The following IGSF22 variants were observed in gnomAD, a reference collection of about 807,000 sequenced individuals.
IGSF22 encodes immunoglobulin superfamily, member 22.
IGSF22 carries 119 observed loss-of-function variants against 127.0 expected under a neutral mutation model. The observed-to-expected ratio is 0.94, with a 90% CI of 0.81 to 1.09. The LOEUF (loss-of-function observed/expected upper bound fraction) is 1.09, where lower values mean the gene tolerates loss of function less well. Ranked by LOEUF, IGSF22 falls within the 50% of genes least tolerant of loss-of-function variation. IGSF22 has a pLI of 0.00. For synonymous variants in IGSF22, 568 were observed against 664.7 expected (o/e 0.85, Z 2.24); for missense variants, 1,518 against 1,716.6 (o/e 0.88, Z 2.04).
Position 18,714,486 on chromosome 11 carries a change from C to G in IGSF22, c.1656+14G>C, listed in dbSNP as rs1427105163. On this transcript the variant is annotated intron_variant, in intron 12 of 22. Coordinates refer to ENST00000513874, the MANE Select transcript of IGSF22 (RefSeq NM_173588.4). ...CTACCTCCTTCACCCCCTTCCCTGGCCTCTGCTTCAGACCTCCTTGCCATC... is the reference window on the plus strand; with the variant it reads ...CTACCTCCTTCACCCCCTTCCCTGGGCTCTGCTTCAGACCTCCTTGCCATC... The G allele has an allele frequency of 6.2e-6, 10 of 1,614,086 alleles. No homozygotes were observed. Among genetic ancestry groups the G allele is most frequent in the Non-Finnish European group, 8.5e-6 (10 of 1,180,044 alleles).
intron 21 of IGSF22, chr11:18,706,622 C>A (rs1299642056): frequency 1.0e-5 from 4 of 399,420 alleles, no homozygotes; most frequent in Non-Finnish European, 1.8e-5. Context: ...GTTCTCAGCC[C>A]CGTTAGACCC....
chr11:18,714,538 C>T lies in IGSF22; in HGVS notation c.1618G>A (p.Glu540Lys), dbSNP rs370808104. The T allele has an allele frequency of 2.8e-5, 46 of 1,614,064 alleles. No individual in the cohort carries two copies. In the African/African-American group the frequency reaches 3.2e-4, roughly 11 times the overall value. ...TTCAGCCACACACCCTCCACCTTCT[C>T]GTCATTCAGCACTACACACAACTCA... is the stretch of plus-strand genomic sequence containing the variant. ...PAELCVVLNDEKVEGVWLKDG... is the reference protein window; with the variant it reads ...PAELCVVLNDKKVEGVWLKDG... The change falls in exon 12 of 23, where the codon GAG (glutamate) becomes AAG (lysine). Residue 540 changes from glutamate to lysine, a missense_variant. Transcript: ENST00000513874.
intron 2 of IGSF22, among the ~76,000 whole-genome samples, chr11:18,723,799 A>G (rs1019055325): frequency 6.6e-6 from 1 of 152,234 alleles, no homozygotes; most frequent in African/African-American, 2.4e-5. Flanking sequence ...AATTTCCCCT[A>G]TGCCTGAAAT....
In IGSF22 at chr11:18,720,056, A is replaced by C. The variant is rs376914068; in HGVS notation, c.518+8T>G. 4.3e-4 allele frequency: 692 copies of C among 1,613,902 alleles called. 3 individuals carry two copies. The highest frequency in any genetic ancestry group is 8.6e-5 in the Non-Finnish European group (101 of 1,180,020). On this transcript the variant is annotated splice_region_variant and intron_variant, in intron 6 of 22. Coordinates refer to ENST00000513874, the MANE Select transcript of IGSF22 (RefSeq NM_173588.4). ...AATATCTTGGGCAGAAGGACCTGCC[A>C]GCCTCACCTCTTCTTCAGCATCTTT...
In IGSF22 at chr11:18,718,009, T is replaced by C. The variant is rs750044596; in HGVS notation, c.895A>G (p.Asn299Asp). ...ATGCCAGCATCGTTCATGTTCACGT[T>C]GCTAATAACCAGCATGTACTTGGTG... ...MGTKYMLVIS[N>D]VNMNDAGIYS... is the part of the protein sequence containing the mutation. The change falls in exon 9 of 23, where the codon AAC becomes GAC. Residue 299 changes from asparagine (N) to aspartate (D), a missense_variant. This residue lies in a region of IGSF22 where 1,456 missense variants were observed against 1,644.9 expected (regional missense o/e 0.89). Coordinates refer to ENST00000513874, the MANE Select transcript of IGSF22 (RefSeq NM_173588.4). 1 of 1,614,134 alleles carries C rather than the reference T, an allele frequency of 6.2e-7. No homozygotes were observed. Among genetic ancestry groups the C allele is most frequent in the Non-Finnish European group, 8.5e-7 (1 of 1,180,058 alleles).
intron 2 of IGSF22, 48 bp from the exon 3 acceptor site, chr11:18,722,089 G>T: frequency 1.9e-6 from 3 of 1,607,398 alleles, no homozygotes; most frequent in Non-Finnish European, 2.5e-6. Context: ...TAGAAGCCCA[G>T]CTCGCGATGG....
rs759571617 is a variant in IGSF22 at position 18,709,456 on chromosome 11, C to A, written c.2929G>T (p.Ala977Ser). Residue 977 changes from alanine to serine, a missense_variant, in exon 18 of 23, where the codon GCT becomes TCT. Coordinates refer to ENST00000513874, the MANE Select transcript of IGSF22 (RefSeq NM_173588.4). This position sits in a 1 kb window ranked among gnomAD's most constrained non-coding sequence, Gnocchi z 4.8. ...TCCCCAACCCCAGCCTCATTCACAG[C>A]CCGGATTCGGAAGAAGTATTTCTGC... The part of the protein sequence containing the change: ...ERQKYFFRIR[A>S]VNEAGVGEPV... The A allele has an allele frequency of 4.3e-6, 7 of 1,614,078 alleles. No individual in the cohort carries two copies. Among genetic ancestry groups the A allele is most frequent in the South Asian group, 2.2e-5 (2 of 91,078 alleles).
intron 8 of IGSF22, 72 bp from the exon 9 acceptor site, chr11:18,718,165 A>C: frequency 1.4e-6 from 2 of 1,458,034 alleles, no homozygotes; most frequent in South Asian, 2.5e-5. Context: ...TCCATTCCCC[A>C]GCGCCAGCCT....
At chr11:18,708,914 G>A (rs1848298366) in intron 18 of IGSF22, among the ~76,000 whole-genome samples, 1 of 152,220 alleles carries the variant, frequency 6.6e-6, no homozygotes, top group Admixed American at 6.5e-5. Flanking sequence ...TGGTTGAGAT[G>A]TCTTTTCAGG....
chr11:18,718,599 G>A lies in IGSF22; in HGVS notation c.810+16C>T. 11 of 1,454,230 alleles carry A rather than the reference G, an allele frequency of 7.6e-6. No individual in the cohort carries two copies. Among genetic ancestry groups the A allele is most frequent in the Non-Finnish European group, 1.1e-5 (11 of 1,034,140 alleles). 90.1% of individuals were successfully genotyped at this position (1,454,230 alleles called of 1,614,324 possible). On this transcript the variant is annotated intron_variant, in intron 8 of 22. Coordinates refer to ENST00000513874, the MANE Select transcript of IGSF22 (RefSeq NM_173588.4). ...AGAGATATTGCCAAGGTGGACCCTG[G>A]CTAGGCATCCCCCACCTTGATCCAT...
rs1848373480 is a variant in IGSF22, at chr11:18,712,346, C to T, written c.2134G>A (p.Glu712Lys). 1.3e-6 allele frequency: 2 copies of T among 1,551,490 alleles called. No individual in the cohort carries two copies. Among genetic ancestry groups the T allele is most frequent in the African/African-American group, 2.7e-5 (2 of 73,016 alleles). Residue 712 changes from glutamate (E) to lysine (K), a missense_variant, in exon 15 of 23, where the codon GAG becomes AAG. Physicochemically the swap from Glu to Lys is moderately conservative, Grantham distance 56. Around this residue, in one of 3 missense-constraint regions of IGSF22, gnomAD observed 1,456 missense variants for 1,644.9 expected, o/e 0.89. Coordinates refer to ENST00000513874, the MANE Select transcript of IGSF22 (RefSeq NM_173588.4). Reference protein sequence around the residue: ...KPPQGRVEFLELSGSCVHMKW... With the variant: ...KPPQGRVEFLKLSGSCVHMKW... ...ATGTGCACACAACTACCTGAGAGCT[C>T]CAGGAACTCCACCCGGCCCTGTGGA...
At chr11:18,721,697 C>T (rs1564876790) in intron 3 of IGSF22, 26 bp from the exon 4 acceptor site, 2 of 1,613,598 alleles carry the variant, frequency 1.2e-6, no homozygotes, top group African/African-American at 1.3e-5. Flanking sequence ...GACGCGTTTT[C>T]GCCTCTTAGC....
Position 18,709,951 on chromosome 11 carries a change from C to T in IGSF22, c.2702-268G>A, listed in dbSNP as rs952992965. ...TTCAAAGCTTCTGTATTCAAAACCC[C>T]AGCCTTTAACCCAACCATCTCCACC... On this transcript the variant is annotated intron_variant, in intron 17 of 22. Coordinates refer to ENST00000513874, the MANE Select transcript of IGSF22 (RefSeq NM_173588.4). The surrounding 1 kb of genome is among the most constrained non-coding windows in gnomAD (Gnocchi z 4.8). Among the ~76,000 whole-genome samples, 1 of 152,116 alleles carries T rather than the reference C, an allele frequency of 6.6e-6. No homozygotes were observed. The highest frequency in any genetic ancestry group is 2.4e-5 in the African/African-American group (1 of 41,404).
rs1210060148 is a variant in IGSF22 at position 18,709,399 on chromosome 11, T to C, written c.2986A>G (p.Met996Val). The change falls in exon 18 of 23, where the codon ATG becomes GTG. Residue 996 changes from methionine to valine, a missense_variant. Physicochemically the swap from Met to Val is conservative, Grantham distance 21. Around this residue, in one of 3 missense-constraint regions of IGSF22, gnomAD observed 1,456 missense variants for 1,644.9 expected, o/e 0.89. Coordinates refer to ENST00000513874, the MANE Select transcript of IGSF22 (RefSeq NM_173588.4). The surrounding 1 kb of genome is among the most constrained non-coding windows in gnomAD (Gnocchi z 4.8). ...TCTGTGTCCTCACCTGGTGGTGGCA[T>C]GGCACGGACCCCCTTGTCTAGCTCC... ...PVELDKGVRA[M>V]PPPAAPKFDL... 2 of 1,613,614 alleles carry C rather than the reference T, an allele frequency of 1.2e-6. No individual in the cohort carries two copies. The highest frequency in any genetic ancestry group is 1.3e-5 in the African/African-American group (1 of 74,920).
chr11:18,718,209 C>T (rs1258538329), intron 8 of IGSF22, 116 bp from the exon 9 acceptor site: 2 of 917,654 alleles, frequency 2.2e-6, no homozygotes, highest in Admixed American at 2.6e-5. Flanking sequence ...CCTCTAAAGA[C>T]AGAGATCCCT....
In IGSF22 at chr11:18,709,641, G is replaced by A. The variant is rs756996057; in HGVS notation, c.2744C>T (p.Ser915Phe). The A allele has an allele frequency of 2.5e-6, 4 of 1,614,134 alleles. No individual in the cohort carries two copies. The highest frequency in any genetic ancestry group is 4.5e-5 in the East Asian group (2 of 44,876). ...LVQDLHVSDSSNSSISLAWRE... is the reference protein window; with the variant it reads ...LVQDLHVSDSFNSSISLAWRE... ...CCAGGCCAGGGAAATGCTGGAGTTG[G>A]AGGAATCAGATACATGCAGGTCCTG... Residue 915 changes from serine to phenylalanine, a missense_variant, in exon 18 of 23, where the codon TCC becomes TTC. Physicochemically the swap from Ser to Phe is radical, Grantham distance 155. Transcript: ENST00000513874. The surrounding 1 kb of genome is among the most constrained non-coding windows in gnomAD (Gnocchi z 4.8).
Position 18,714,036 on chromosome 11 carries a change from G to A in IGSF22, c.1911C>T (p.Pro637=), listed in dbSNP as rs1444832579. 6.2e-7 allele frequency: 1 copy of A among 1,614,266 alleles called. No homozygotes were observed. Among genetic ancestry groups the A allele is most frequent in the East Asian group, 2.2e-5 (1 of 44,886 alleles). The part of the protein sequence containing the change: ...IKVPFRGKPL[P]KVTWYKDGME... ...TGCCATCCTTGTACCATGTCACTTT[G>A]GGCAGTGGTTTTCCCCGGAAGGGGA... The change falls in exon 14 of 23, where the codon CCC becomes CCT. Residue 637 remains proline, a synonymous_variant. Coordinates refer to ENST00000513874, the MANE Select transcript of IGSF22 (RefSeq NM_173588.4).
intron 8 of IGSF22, 152 bp downstream of exon 8, chr11:18,718,463 T>G: frequency 1.5e-6 from 1 of 668,884 alleles, no homozygotes; most frequent in Non-Finnish European, 2.8e-6. Flanking sequence ...GTGAAACAGT[T>G]AAGAGTAGAG....
chr11:18,713,277 C>A (rs1252692170), intron 14 of IGSF22, among the ~76,000 whole-genome samples: 1 of 151,834 alleles, frequency 6.6e-6, no homozygotes, highest in African/African-American at 2.4e-5. Context: ...CTTAGCCTCC[C>A]GAGTAGCTGG....
Sources: allele counts gnomAD v4.1 joint callset (sites outside exome capture counted in the v4.1 genomes callset), GRCh38; gene constraint gnomAD v4.1.1; regional missense constraint gnomAD v4.1.1; non-coding constraint Gnocchi (gnomAD v3.1); transcripts MANE v1.5; gene names NCBI Gene and HGNC (gene_info 2026-07-23, HGNC 2026-07-21).